The following MUC5B variants were observed in gnomAD, a reference collection of about 807,000 sequenced individuals.
MUC5B encodes mucin 5B, oligomeric mucus/gel-forming.
Under a neutral mutation model 376.9 loss-of-function variants are expected in MUC5B, and 116 were observed. The observed-to-expected ratio is 0.31, with a 90% confidence interval of 0.26 to 0.36. The LOEUF (loss-of-function observed/expected upper bound fraction) is 0.36, where lower values mean the gene tolerates loss of function less well. Ranked by LOEUF, MUC5B falls within the 10% of genes least tolerant of loss-of-function variation. MUC5B has a pLI of 1.00. For missense variants in MUC5B, 7,165 were observed against 7,769.9 expected, an observed-to-expected ratio of 0.92 and a Z score of 2.93; for synonymous variants, 3,517 against 3,390.9, an observed-to-expected ratio of 1.04 and a Z score of -1.29.
At chr11:1,256,608 C>G (rs779950865) in intron 38 of MUC5B, 63 bp from the exon 39 acceptor site, 63 of 1,326,280 alleles carry the variant, frequency 4.8e-5, no homozygotes, top group Non-Finnish European at 6.4e-5. Context: ...TGGGGACTCA[C>G]GTGGATGACA....
Position 1,227,300 on chromosome 11 carries a change from A to C in MUC5B, c.577-8A>C, listed in dbSNP as rs566799420. ...CCTGAGGCTGGAGCTGCCCCTCCCC[A>C]CTCTCAGCTGGAGCTGGATCCCAAA... On this transcript the variant is annotated splice_polypyrimidine_tract_variant and splice_region_variant and intron_variant, in intron 5 of 48. Coordinates refer to ENST00000529681, the MANE Select transcript of MUC5B (RefSeq NM_002458.3). The C allele has an allele frequency of 3.1e-6, 5 of 1,611,326 alleles. No individual in the cohort carries two copies. The South Asian group carries it at 3.3e-5, about 11-fold the overall frequency.
At chr11:1,233,742 G>A in intron 18 of MUC5B, 51 bp from the exon 19 acceptor site, 2 of 1,545,840 alleles carry the variant, frequency 1.3e-6, no homozygotes, top group Non-Finnish European at 1.8e-6. Context: ...CGGGGGTGGG[G>A]TCTGCGGGGT....
In MUC5B at chr11:1,252,434, C is replaced by T. The variant is rs774022041; in HGVS notation, c.14955C>T (p.Ala4985=). 21 of 1,611,196 alleles carry T rather than the reference C, an allele frequency of 1.3e-5. No homozygotes were observed. The South Asian group carries it at 2.2e-4, about 17-fold the overall frequency. Residue 4985 remains alanine, a synonymous_variant, in exon 32 of 49, where the codon GCC becomes GCT. Transcript: ENST00000529681. The stretch of plus-strand genomic sequence containing the variant: ...GTGACATTGACCGCTTCCAGGGCGC[C>T]TGTCCCACCTCCCCACCGCCAGTGT... ...QHCDIDRFQG[A]CPTSPPPVSS...
In MUC5B at chr11:1,231,428, A is replaced by G. The variant is rs367802328; in HGVS notation, c.1546A>G (p.Ile516Val). The G allele has an allele frequency of 6.2e-7, 1 of 1,609,864 alleles. No individual in the cohort carries two copies. Among genetic ancestry groups the G allele is most frequent in the African/African-American group, 1.3e-5 (1 of 74,842 alleles). The change falls in exon 14 of 49, where the codon ATC becomes GTC. Residue 516 changes from isoleucine (I) to valine (V), a missense_variant. Physicochemically the swap from Ile to Val is conservative, Grantham distance 29. Transcript: ENST00000529681. ...CTCCCCCACACTCCCGGCAGCCAAC[A>G]TCACCCTGTTCACACCCTCGAGCTT... The part of the protein sequence containing the change: ...YTQLPLSAAN[I>V]TLFTPSSFFI...
Position 1,243,657 on chromosome 11 carries a change from C to A in MUC5B, c.6777C>A (p.Ser2259Arg). 1.9e-6 allele frequency: 3 copies of A among 1,611,302 alleles called. No individual in the cohort carries two copies. In the South Asian group the frequency reaches 3.3e-5, roughly 18 times the overall value. Residue 2259 changes from serine (S) to arginine (R), a missense_variant, in exon 31 of 49, where the codon AGC (serine) becomes AGA (arginine). Coordinates refer to ENST00000529681, the MANE Select transcript of MUC5B (RefSeq NM_002458.3). Reference protein sequence around the residue: ...TPALSSPHPSSRTTESPPSPG... With the variant: ...TPALSSPHPSRRTTESPPSPG... Reference sequence around the variant, plus strand: ...CCCTTTCCAGCCCTCACCCTAGCAGCAGAACCACCGAGTCACCCCCTTCTC... The same window carrying A: ...CCCTTTCCAGCCCTCACCCTAGCAGAAGAACCACCGAGTCACCCCCTTCTC...
rs1862293977 is a variant in MUC5B, at chr11:1,241,891, A to G, written c.5011A>G (p.Thr1671Ala). The G allele has an allele frequency of 6.2e-7, 1 of 1,612,014 alleles. No individual in the cohort carries two copies. Residue 1671 changes from threonine (T) to alanine (A), a missense_variant, in exon 31 of 49, where the codon ACG (threonine) becomes GCG (alanine). Coordinates refer to ENST00000529681, the MANE Select transcript of MUC5B (RefSeq NM_002458.3). Reference sequence around the variant, plus strand: ...CACAAGCACCCTTGGTACAGCCACCACGGGAGGCCCCACGACGCCTGCAGG... The same window carrying G: ...CACAAGCACCCTTGGTACAGCCACCGCGGGAGGCCCCACGACGCCTGCAGG... ...RYTSTLGTAT[T>A]GGPTTPAGST... is the part of the protein sequence containing the mutation.
chr11:1,251,002 G>T lies in MUC5B; in HGVS notation c.14122G>T (p.Val4708Leu), dbSNP rs574794970. The T allele has an allele frequency of 1.4e-5, 22 of 1,608,434 alleles. No homozygotes were observed. The South Asian group carries it at 2.1e-4, about 15-fold the overall frequency. The change falls in exon 31 of 49, where the codon GTG becomes TTG. Residue 4708 changes from valine to leucine, a missense_variant. Physicochemically the swap from Val to Leu is conservative, Grantham distance 32. Transcript: ENST00000529681. ...TCCAGGGACAACACCCATCACCCCA[G>T]TGCTGACCAGCACGGCCACCACACC... ...STPGTTPITP[V>L]LTSTATTPAA...
intron 14 of MUC5B, 122 bp downstream of exon 14, chr11:1,231,682 G>A: frequency 8.0e-7 from 1 of 1,246,642 alleles, no homozygotes. Flanking sequence ...TGCCCCCAGG[G>A]CATGGCGGAG....
intron 18 of MUC5B, 97 bp from the exon 19 acceptor site, chr11:1,233,695 CT>C: frequency 8.1e-7 from 1 of 1,229,386 alleles, no homozygotes; most frequent in Non-Finnish European, 1.2e-6. Context: ...GGTGGCCAGG[CT>C]GGGGAGGCCC....
rs1366177272 is a variant in MUC5B, at chr11:1,247,444, C to T, written c.10564C>T (p.Pro3522Ser). The change falls in exon 31 of 49, where the codon CCC (proline) becomes TCC (serine). Residue 3522 changes from proline (P) to serine (S), a missense_variant. Transcript: ENST00000529681. ...CCCTAGCAGCAGGACCACCGAGTCA[C>T]CCCCTTCTCCAGGGACGACCACCCC... Reference protein sequence around the residue: ...PHPSSRTTESPPSPGTTTPGH... With the variant: ...PHPSSRTTESSPSPGTTTPGH... 1.9e-6 allele frequency: 3 copies of T among 1,609,694 alleles called. No individual in the cohort carries two copies. Among genetic ancestry groups the T allele is most frequent in the Admixed American group, 1.7e-5 (1 of 59,924 alleles).
At chr11:1,230,907 G>A in intron 12 of MUC5B, 29 bp from the exon 13 acceptor site, 1 of 1,563,886 alleles carries the variant, frequency 6.4e-7, no homozygotes, top group African/African-American at 1.4e-5. Context: ...CCTCCCCAGA[G>A]CTGACCTCCC....
In MUC5B at chr11:1,246,165, C is replaced by G; in HGVS notation, c.9285C>G (p.His3095Gln). Reference protein sequence around the residue: ...TTPMATMSTIHPSSTPETTHT... With the variant: ...TTPMATMSTIQPSSTPETTHT... The stretch of plus-strand genomic sequence containing the variant: ...CCATGGCCACCATGTCCACAATCCA[C>G]CCCTCCTCCACTCCGGAGACCACCC... The change falls in exon 31 of 49, where the codon CAC becomes CAG. Residue 3095 changes from histidine (H) to glutamine (Q), a missense_variant. By Grantham distance (24) the His-to-Gln change is conservative. Around this residue, in one of 31 missense-constraint regions of MUC5B, gnomAD observed 939 missense variants for 770.6 expected, o/e 1.22. Transcript: ENST00000529681. The G allele has an allele frequency of 6.2e-7, 1 of 1,612,530 alleles. No individual in the cohort carries two copies. Among genetic ancestry groups the G allele is most frequent in the Non-Finnish European group, 8.5e-7 (1 of 1,179,434 alleles).
rs1475540536 is a variant in MUC5B at position 1,242,653 on chromosome 11, A to C, written c.5773A>C (p.Thr1925Pro). Reference sequence around the variant, plus strand: ...GACTGCGTCCACTGGATCCACGGCCACCCCGACCTCCACCCTGAGAACAGC... The same window carrying C: ...GACTGCGTCCACTGGATCCACGGCCCCCCCGACCTCCACCCTGAGAACAGC... ...TTTASTGSTA[T>P]PTSTLRTAPP... Residue 1925 changes from threonine (T) to proline (P), a missense_variant, in exon 31 of 49, where the codon ACC (threonine) becomes CCC (proline). Coordinates refer to ENST00000529681, the MANE Select transcript of MUC5B (RefSeq NM_002458.3). 15 of 1,613,410 alleles carry C rather than the reference A, an allele frequency of 9.3e-6. No homozygotes were observed. In the Admixed American group the frequency reaches 2.5e-4, roughly 27 times the overall value.
chr11:1,236,284 C>T (rs528188467), intron 23 of MUC5B, 102 bp from the exon 24 acceptor site: 54 of 1,173,224 alleles, frequency 4.6e-5, no homozygotes, highest in Non-Finnish European at 5.6e-5. Context: ...GTGCTAAGAG[C>T]CCGTGCGCAC....
At chr11:1,259,119 G>T in intron 44 of MUC5B, 58 bp downstream of exon 44, 1 of 1,486,284 alleles carries the variant, frequency 6.7e-7, no homozygotes, top group East Asian at 2.5e-5. Flanking sequence ...CCCCAAGTGA[G>T]ACCCGAGGCA....
In MUC5B at chr11:1,236,373, G is replaced by A. The variant is rs911268991; in HGVS notation, c.2881-13G>A. 6.3e-6 allele frequency: 10 copies of A among 1,595,724 alleles called. No individual in the cohort carries two copies. Among genetic ancestry groups the A allele is most frequent in the Non-Finnish European group, 7.7e-6 (9 of 1,167,572 alleles). On this transcript the variant is annotated splice_polypyrimidine_tract_variant and intron_variant, in intron 23 of 48. Transcript: ENST00000529681. ...ACAGGGTCGGCTTCCGGCAGCGTCTGCCTCCCCTGCAGAGCTACGAGCTGA... is the reference window on the plus strand; with the variant it reads ...ACAGGGTCGGCTTCCGGCAGCGTCTACCTCCCCTGCAGAGCTACGAGCTGA...
chr11:1,236,653 A>T, intron 24 of MUC5B, 91 bp downstream of exon 24: 1 of 1,364,916 alleles, frequency 7.3e-7, no homozygotes, highest in South Asian at 1.4e-5. Context: ...GGACTCGCTG[A>T]CCCGTGGGTG....
intron 22 of MUC5B, 38 bp downstream of exon 22, chr11:1,235,261 C>T (rs1327471110): frequency 4.3e-6 from 7 of 1,610,478 alleles, no homozygotes; most frequent in Admixed American, 1.7e-5. Flanking sequence ...AGGCCGGGCA[C>T]ACTCCAGCCC....
Position 1,234,337 on chromosome 11 carries a change from G to T in MUC5B, c.2478+32G>T. 1.3e-6 allele frequency: 2 copies of T among 1,537,268 alleles called. No individual in the cohort carries two copies. Among genetic ancestry groups the T allele is most frequent in the South Asian group, 2.4e-5 (2 of 85,036 alleles). On this transcript the variant is annotated intron_variant, in intron 20 of 48. Coordinates refer to ENST00000529681, the MANE Select transcript of MUC5B (RefSeq NM_002458.3). This position sits in a 1 kb window ranked among gnomAD's most constrained non-coding sequence, Gnocchi z 6.3. ...TCCATGCTTCAGGGAGGGGTGGGCA[G>T]GGAAGGGGTCCCAGCTTTCCCAGCT...
Sources: gnomAD v4.1 joint callset for allele counts on GRCh38, gnomAD v4.1.1 for gene constraint, gnomAD v4.1.1 regional missense constraint, Gnocchi (gnomAD v3.1) non-coding constraint, MANE v1.5 for transcripts, NCBI Gene and HGNC (gene_info 2026-07-23, HGNC 2026-07-21) for gene names.